Variants in FAM110B observed in about 807,000 individuals in gnomAD.
FAM110B encodes protein FAM110B.
Under a neutral mutation model 20.4 loss-of-function variants are expected in FAM110B, and 6 were observed. That is an observed-to-expected ratio of 0.29 (90% CI 0.16 to 0.58). FAM110B has a LOEUF of 0.58. FAM110B is among the 20% of genes least tolerant of loss of function. The probability of loss-of-function intolerance (pLI) is 0.90; values close to 1 mark genes in which losing one functional copy is unlikely to be tolerated. For missense variants in FAM110B, 434 were observed against 498.2 expected, an observed-to-expected ratio of 0.87 and a Z score of 1.23; for synonymous variants, 226 against 214.1, an observed-to-expected ratio of 1.06 and a Z score of -0.49.
chr8:58,092,438 C>G (rs1806506276), intron 3 of FAM110B, among the ~76,000 whole-genome samples: 1 of 152,108 alleles, frequency 6.6e-6, no homozygotes, highest in Non-Finnish European at 1.5e-5. Flanking sequence ...ATGTTCCCCT[C>G]CCTGTGTCCA....
intron 3 of FAM110B, among the ~76,000 whole-genome samples, chr8:58,111,052 A>G (rs1335373631): frequency 1.3e-5 from 2 of 152,224 alleles, no homozygotes; most frequent in Admixed American, 6.5e-5. Context: ...ATAGTAATTC[A>G]TACATTTAAT....
At chr8:58,100,041 T>A (rs1450748054) in intron 3 of FAM110B, among the ~76,000 whole-genome samples, 2 of 152,204 alleles carry the variant, frequency 1.3e-5, no homozygotes, top group Non-Finnish European at 2.9e-5. Flanking sequence ...CAGTACTGTC[T>A]GGCCAGACCT....
intron 3 of FAM110B, chr8:58,106,117 A>G (rs1024895498): frequency 2.0e-5 from 3 of 152,192 alleles, no homozygotes; most frequent in African/African-American, 7.2e-5. Context: ...CAATTCTCGT[A>G]TTTTAGTTAA....
intron 2 of FAM110B, among the ~76,000 whole-genome samples, chr8:58,039,010 G>A (rs1805147526): frequency 6.6e-6 from 1 of 152,240 alleles, no homozygotes; most frequent in East Asian, 1.9e-4. Context: ...AGCCACCAGA[G>A]TTGTTATCTG....
intron 2 of FAM110B, among the ~76,000 whole-genome samples, chr8:58,064,270 G>GTAA (rs1408478491): frequency 5.3e-5 from 8 of 152,074 alleles, no homozygotes; most frequent in African/African-American, 1.7e-4. Context: ...GGATACCATG[G>GTAA]TAAACACCTT....
At chr8:57,997,352 G>A in intron 1 of FAM110B, among the ~76,000 whole-genome samples, 1 of 152,094 alleles carries the variant, frequency 6.6e-6, no homozygotes, top group East Asian at 1.9e-4. Context: ...TAGACTATTG[G>A]CCATTTTTCT....
At chr8:58,074,013 C>G (rs1219521612) in intron 2 of FAM110B, among the ~76,000 whole-genome samples, 1 of 152,286 alleles carries the variant, frequency 6.6e-6, no homozygotes, top group South Asian at 2.1e-4. Flanking sequence ...GGAAATCCTC[C>G]TAATTCTGTC....
intron 3 of FAM110B, among the ~76,000 whole-genome samples, chr8:58,080,542 C>T (rs767686987): frequency 6.6e-6 from 1 of 152,136 alleles, no homozygotes; most frequent in Admixed American, 6.5e-5. Context: ...TAGGTGTGGA[C>T]GCAGAAAGCA....
chr8:58,002,348 T>C (rs1224462349), intron 1 of FAM110B, among the ~76,000 whole-genome samples: 1 of 152,248 alleles, frequency 6.6e-6, no homozygotes, highest in Non-Finnish European at 1.5e-5. Context: ...CCAAGTTGGT[T>C]TAAATGAGCT....
At chr8:58,119,169 C>T (rs1292910953) in intron 3 of FAM110B, among the ~76,000 whole-genome samples, 1 of 152,168 alleles carries the variant, frequency 6.6e-6, no homozygotes, top group Non-Finnish European at 1.5e-5. Flanking sequence ...CCCCTCATAA[C>T]TTATTTTCTC....
At chr8:58,124,331 G>A (rs868698230) in intron 3 of FAM110B, among the ~76,000 whole-genome samples, 1 of 152,220 alleles carries the variant, frequency 6.6e-6, no homozygotes, top group Non-Finnish European at 1.5e-5. Context: ...TGGTAACAAA[G>A]CACAGCAGAC....
chr8:58,075,878 C>T (rs1261704796), intron 3 of FAM110B, among the ~76,000 whole-genome samples: 1 of 152,178 alleles, frequency 6.6e-6, no homozygotes, highest in East Asian at 1.9e-4. Context: ...TTCTACATAT[C>T]AGCTAGTTAT....
chr8:57,999,910 T>TA (rs1279376978), intron 1 of FAM110B, among the ~76,000 whole-genome samples: 1 of 152,148 alleles, frequency 6.6e-6, no homozygotes, highest in Non-Finnish European at 1.5e-5. Context: ...ACTAAATATA[T>TA]ATACACATCC....
intron 2 of FAM110B, among the ~76,000 whole-genome samples, chr8:58,037,853 G>T (rs935245846): frequency 6.6e-6 from 1 of 151,906 alleles, no homozygotes; most frequent in East Asian, 1.9e-4. Context: ...TTGTTGTCTG[G>T]GGCCGTCATA....
chr8:58,002,635 C>T (rs999683366), intron 1 of FAM110B, among the ~76,000 whole-genome samples: 2 of 152,154 alleles, frequency 1.3e-5, no homozygotes, highest in Admixed American at 6.5e-5. Context: ...GTGAGTATTA[C>T]AATAAAGTGA....
chr8:58,045,506 A>G (rs1805303236), intron 2 of FAM110B, among the ~76,000 whole-genome samples: 1 of 152,132 alleles, frequency 6.6e-6, no homozygotes, highest in Non-Finnish European at 1.5e-5. Flanking sequence ...GCTTTACTAT[A>G]TGTGATGTCT....
At chr8:58,028,609 A>G (rs996817737) in intron 1 of FAM110B, among the ~76,000 whole-genome samples, 1 of 152,046 alleles carries the variant, frequency 6.6e-6, no homozygotes, top group Non-Finnish European at 1.5e-5. Flanking sequence ...GTTGTTTGGC[A>G]CTTAGTCTTA....
chr8:58,001,605 G>C (rs1804298076), intron 1 of FAM110B, among the ~76,000 whole-genome samples: 1 of 152,098 alleles, frequency 6.6e-6, no homozygotes, highest in Non-Finnish European at 1.5e-5. Context: ...ATCTCTACCA[G>C]CCTTTTTCTG....
intron 1 of FAM110B, among the ~76,000 whole-genome samples, chr8:58,020,391 T>C (rs1804727399): frequency 6.6e-6 from 1 of 152,236 alleles, no homozygotes; most frequent in Non-Finnish European, 1.5e-5. Context: ...TAAATTGTAT[T>C]CCAGGTGTAC....
Sources: allele counts gnomAD v4.1 joint callset (sites outside exome capture counted in the v4.1 genomes callset), GRCh38; gene constraint gnomAD v4.1.1; transcripts MANE v1.5; gene names NCBI Gene and HGNC (gene_info 2026-07-23, HGNC 2026-07-21).